The following SH3BGRL2 variants were observed in gnomAD, a reference collection of about 807,000 sequenced individuals.
The protein encoded by SH3BGRL2 is SH3 domain-binding glutamic acid-rich-like protein 2.
In SH3BGRL2, 21 loss-of-function variants were observed where a neutral mutation model predicts 14.8. The observed-to-expected ratio is 1.42, with a 90% CI of 1.01 to 2.05. The LOEUF (loss-of-function observed/expected upper bound fraction) is 2.05, where lower values mean the gene tolerates loss of function less well. Ranked by LOEUF, SH3BGRL2 falls within the 30% of genes most tolerant of loss-of-function variation. The probability of loss-of-function intolerance (pLI) is 0.00; values close to 1 mark genes in which losing one functional copy is unlikely to be tolerated. For synonymous variants in SH3BGRL2, 50 were observed against 47.8 expected (o/e 1.05, Z -0.19); for missense variants, 147 against 130.8 (o/e 1.12, Z -0.61).
the SH3BGRL2 span, among the ~76,000 whole-genome samples, chr6:79,551,506 ATTTC>A: frequency 6.6e-6 from 1 of 152,152 alleles, no homozygotes; most frequent in Non-Finnish European, 1.5e-5. Context: ...GGAGGAGACT[ATTTC>A]TTATAAAGAG....
chr6:79,600,810 T>G, the SH3BGRL2 span, among the ~76,000 whole-genome samples: 1 of 152,162 alleles, frequency 6.6e-6, no homozygotes, highest in East Asian at 1.9e-4. Context: ...GTTCCCAGCT[T>G]CTTTTGCCAC....
At chr6:79,575,927 A>G in the SH3BGRL2 span, among the ~76,000 whole-genome samples, 1 of 151,036 alleles carries the variant, frequency 6.6e-6, no homozygotes, top group Non-Finnish European at 1.5e-5. Flanking sequence ...TTTATTTTTA[A>G]TTTTCTTTGG....
the SH3BGRL2 span, among the ~76,000 whole-genome samples, chr6:79,553,893 G>A: frequency 2.8e-4 from 42 of 151,798 alleles, no homozygotes; most frequent in Non-Finnish European, 5.4e-4. Flanking sequence ...GCTTGAACCC[G>A]GGAGGCAGAG....
chr6:79,605,495 C>G, the SH3BGRL2 span, among the ~76,000 whole-genome samples: 7 of 152,228 alleles, frequency 4.6e-5, no homozygotes, highest in Non-Finnish European at 8.8e-5. Context: ...AAGATCATAA[C>G]TTTCTTCACA....
chr6:79,609,666 A>T, the SH3BGRL2 span, among the ~76,000 whole-genome samples: 2 of 152,198 alleles, frequency 1.3e-5, no homozygotes, highest in African/African-American at 2.4e-5. Context: ...ATTCGTTCAT[A>T]CACAGTAGAT....
chr6:79,553,467 T>C, the SH3BGRL2 span, among the ~76,000 whole-genome samples: 1 of 152,222 alleles, frequency 6.6e-6, no homozygotes, highest in Non-Finnish European at 1.5e-5. Context: ...CACAAAACTT[T>C]AGTGTACATT....
intron 1 of SH3BGRL2, among the ~76,000 whole-genome samples, chr6:79,644,860 G>A (rs879078927): frequency 6.6e-6 from 1 of 152,038 alleles, no homozygotes; most frequent in Admixed American, 6.6e-5. Flanking sequence ...CAAATAATCA[G>A]ATAATAGGTC....
At chr6:79,616,368 G>A in the SH3BGRL2 span, among the ~76,000 whole-genome samples, 3 of 152,222 alleles carry the variant, frequency 2.0e-5, no homozygotes, top group Non-Finnish European at 4.4e-5. Context: ...GTTGAAAGGG[G>A]TGACTGTAGG....
chr6:79,644,133 C>T (rs559820504), intron 1 of SH3BGRL2, among the ~76,000 whole-genome samples: 1 of 152,286 alleles, frequency 6.6e-6, no homozygotes, highest in Non-Finnish European at 1.5e-5. Flanking sequence ...TCATCCTTTA[C>T]ATCTTGAACC....
chr6:79,600,271 C>T, the SH3BGRL2 span, among the ~76,000 whole-genome samples: 1 of 152,172 alleles, frequency 6.6e-6, no homozygotes, highest in Non-Finnish European at 1.5e-5. Context: ...TTACCTACAA[C>T]TGTCTTTTAA....
chr6:79,639,010 G>GT (rs1401507687), intron 1 of SH3BGRL2, among the ~76,000 whole-genome samples: 2 of 151,922 alleles, frequency 1.3e-5, no homozygotes, highest in Non-Finnish European at 2.9e-5. Flanking sequence ...ATTTTTTTCT[G>GT]TTTTTCAATT....
At chr6:79,610,669 G>A in the SH3BGRL2 span, among the ~76,000 whole-genome samples, 15 of 152,330 alleles carry the variant, frequency 9.8e-5, no homozygotes, top group African/African-American at 3.6e-4. Context: ...ATTCAGACTG[G>A]TAGTTTCGAC....
chr6:79,647,967 C>T (rs2127725464), intron 1 of SH3BGRL2, among the ~76,000 whole-genome samples: 1 of 151,790 alleles, frequency 6.6e-6, no homozygotes, highest in South Asian at 2.1e-4. Flanking sequence ...CAAGTGGCTA[C>T]CCTGTAGTTA....
intron 2 of SH3BGRL2, among the ~76,000 whole-genome samples, chr6:79,688,070 A>G (rs576631524): frequency 5.3e-5 from 8 of 152,298 alleles, no homozygotes; most frequent in African/African-American, 1.7e-4. Context: ...TAATGTCCTT[A>G]AGTAAGCCTT....
the SH3BGRL2 span, among the ~76,000 whole-genome samples, chr6:79,603,666 G>A: frequency 9.2e-5 from 14 of 152,122 alleles, no homozygotes; most frequent in African/African-American, 3.1e-4. Context: ...AGGAAAATCA[G>A]CCCTGAATCA....
intron 1 of SH3BGRL2, among the ~76,000 whole-genome samples, chr6:79,665,305 T>G (rs1326798693): frequency 6.6e-6 from 1 of 152,226 alleles, no homozygotes; most frequent in Non-Finnish European, 1.5e-5. Flanking sequence ...GCATAAGTAC[T>G]CAATATAATT....
intron 1 of SH3BGRL2, among the ~76,000 whole-genome samples, chr6:79,647,400 A>G (rs1020685158): frequency 1.3e-5 from 2 of 152,080 alleles, no homozygotes; most frequent in Non-Finnish European, 2.9e-5. Flanking sequence ...CCATATGAAT[A>G]ACAGAATTGA....
At chr6:79,583,206 T>C in the SH3BGRL2 span, among the ~76,000 whole-genome samples, 5 of 152,206 alleles carry the variant, frequency 3.3e-5, no homozygotes, top group Non-Finnish European at 5.9e-5. Flanking sequence ...AGTTCAACCA[T>C]TGTGGAACAC....
chr6:79,563,223 C>T, the SH3BGRL2 span, among the ~76,000 whole-genome samples: 2 of 151,742 alleles, frequency 1.3e-5, no homozygotes, highest in Non-Finnish European at 2.9e-5. Flanking sequence ...ATGATCCACC[C>T]GCCTCGGCCT....
Sources: allele counts gnomAD v4.1 joint callset (sites outside exome capture counted in the v4.1 genomes callset), GRCh38; gene constraint gnomAD v4.1.1; transcripts MANE v1.5; gene names NCBI Gene and HGNC (gene_info 2026-07-23, HGNC 2026-07-21).